CSTPP1: variants seen among roughly 807,000 people sequenced by gnomAD.
CSTPP1 encodes the protein centriolar satellite-associated tubulin polyglutamylase complex regulator 1, also known as UPF0705 protein C11orf49.
the CSTPP1 span, among the ~76,000 whole-genome samples, chr11:47,062,538 C>A: frequency 6.6e-6 from 1 of 152,176 alleles, no homozygotes; most frequent in Non-Finnish European, 1.5e-5. Flanking sequence ...CCACTAAAAA[C>A]CAGCCTAATC....
At chr11:47,122,253 C>T in the CSTPP1 span, among the ~76,000 whole-genome samples, 1 of 151,248 alleles carries the variant, frequency 6.6e-6, no homozygotes, top group Non-Finnish European at 1.5e-5. Flanking sequence ...TGAGCCTGAA[C>T]ATCTCTATAA....
At chr11:47,020,425 T>C in the CSTPP1 span, among the ~76,000 whole-genome samples, 1 of 152,226 alleles carries the variant, frequency 6.6e-6, no homozygotes, top group Non-Finnish European at 1.5e-5. Context: ...CCCTTTAATT[T>C]GCTAAAGATA....
At chr11:47,009,551 C>A in the CSTPP1 span, among the ~76,000 whole-genome samples, 30 of 152,214 alleles carry the variant, frequency 2.0e-4, no homozygotes, top group African/African-American at 7.2e-4. Flanking sequence ...AATCCCAGCA[C>A]TTTGGGAGGC....
At chr11:47,087,820 G>T in the CSTPP1 span, among the ~76,000 whole-genome samples, 1 of 152,128 alleles carries the variant, frequency 6.6e-6, no homozygotes, top group African/African-American at 2.4e-5. Flanking sequence ...ATTTCACACA[G>T]GTTCTAAAGG....
At chr11:47,060,545 C>T in the CSTPP1 span, among the ~76,000 whole-genome samples, 2 of 152,046 alleles carry the variant, frequency 1.3e-5, no homozygotes, top group African/African-American at 4.8e-5. Flanking sequence ...CCCACAAAGT[C>T]CACATTCTTA....
At chr11:46,941,337 A>T in the CSTPP1 span, among the ~76,000 whole-genome samples, 9 of 148,992 alleles carry the variant, frequency 6.0e-5, no homozygotes, top group African/African-American at 2.2e-4. Context: ...TTCACCCTCA[A>T]TTTTTTTTTT....
the CSTPP1 span, among the ~76,000 whole-genome samples, chr11:47,011,933 T>TA: frequency 9.9e-5 from 15 of 152,030 alleles, no homozygotes; most frequent in African/African-American, 3.6e-4. Flanking sequence ...AATAAATAAA[T>TA]AAACAAATAA....
At chr11:46,977,772 C>G in the CSTPP1 span, among the ~76,000 whole-genome samples, 4 of 152,076 alleles carry the variant, frequency 2.6e-5, no homozygotes, top group Non-Finnish European at 5.9e-5. Context: ...ACAAGTAGCC[C>G]CCAAATTTGT....
the CSTPP1 span, among the ~76,000 whole-genome samples, chr11:47,103,399 C>A: frequency 1.1e-3 from 147 of 130,856 alleles, no homozygotes; most frequent in East Asian, 1.6e-3. Flanking sequence ...GACCCTGTCT[C>A]AAAAAAAAAA....
chr11:47,147,253 G>T, the CSTPP1 span, among the ~76,000 whole-genome samples: 5 of 152,196 alleles, frequency 3.3e-5, no homozygotes, highest in Admixed American at 1.3e-4. Flanking sequence ...AATAAAAAAT[G>T]ATGGGGGGAT....
At chr11:47,146,597 A>C in the CSTPP1 span, among the ~76,000 whole-genome samples, 1 of 152,164 alleles carries the variant, frequency 6.6e-6, no homozygotes, top group Non-Finnish European at 1.5e-5. Context: ...CTCATAATAC[A>C]AATATTGGTG....
At chr11:47,072,650 G>A in the CSTPP1 span, among the ~76,000 whole-genome samples, 3 of 152,102 alleles carry the variant, frequency 2.0e-5, no homozygotes, top group Admixed American at 1.3e-4. Context: ...ATATATAGAT[G>A]TATTCCAGCT....
the CSTPP1 span, among the ~76,000 whole-genome samples, chr11:46,960,844 C>T: frequency 4.7e-5 from 7 of 148,916 alleles, no homozygotes; most frequent in African/African-American, 1.8e-4. Flanking sequence ...AAGAGCGAAA[C>T]TCTGTCTCAA....
the CSTPP1 span, among the ~76,000 whole-genome samples, chr11:47,107,793 A>C: frequency 2.6e-5 from 4 of 152,218 alleles, no homozygotes. Context: ...CCACCCCTGC[A>C]ATAGAGATTT....
At chr11:46,942,232 T>A in the CSTPP1 span, among the ~76,000 whole-genome samples, 1 of 152,094 alleles carries the variant, frequency 6.6e-6, no homozygotes, top group Non-Finnish European at 1.5e-5. Flanking sequence ...GGTAAGGAGA[T>A]GAAATAAGTA....
chr11:47,050,862 G>A, the CSTPP1 span, among the ~76,000 whole-genome samples: 378 of 152,268 alleles, frequency 2.5e-3, 1 homozygote, highest in African/African-American at 8.2e-3. Context: ...GGTGATGTCC[G>A]CATACTTCCT....
At chr11:47,045,858 C>T in the CSTPP1 span, among the ~76,000 whole-genome samples, 5 of 151,974 alleles carry the variant, frequency 3.3e-5, no homozygotes, top group African/African-American at 1.2e-4. Flanking sequence ...GCCATCTAGG[C>T]TCACTGCAAC....
the CSTPP1 span, among the ~76,000 whole-genome samples, chr11:47,018,439 C>T: frequency 6.6e-6 from 1 of 151,920 alleles, no homozygotes; most frequent in Non-Finnish European, 1.5e-5. Context: ...GGATTACAGG[C>T]ACCTGCCACT....
At chr11:46,970,401 A>G in the CSTPP1 span, among the ~76,000 whole-genome samples, 2 of 149,898 alleles carry the variant, frequency 1.3e-5, no homozygotes, top group African/African-American at 2.5e-5. Context: ...CTTTATAATA[A>G]TAATAAATAA....
Sources: gnomAD v4.1 joint callset for allele counts (sites outside exome capture counted in the v4.1 genomes callset) on GRCh38, gnomAD v4.1.1 for gene constraint, MANE v1.5 for transcripts, NCBI Gene and HGNC (gene_info 2026-07-23, HGNC 2026-07-21) for gene names.